The following PHACTR3 variants were observed in gnomAD, a reference collection of about 807,000 sequenced individuals.
PHACTR3 encodes the protein phosphatase and actin regulator 3.
In PHACTR3, 16 loss-of-function variants were observed where a neutral mutation model predicts 66.8. The ratio of observed to expected loss-of-function variants is 0.24; its 90% CI spans 0.16 to 0.36. The LOEUF (loss-of-function observed/expected upper bound fraction) is 0.36, where lower values mean the gene tolerates loss of function less well. Ranked by LOEUF, PHACTR3 falls within the 10% of genes least tolerant of loss-of-function variation. PHACTR3 has a pLI of 1.00. For synonymous variants in PHACTR3, 323 were observed against 292.1 expected, an observed-to-expected ratio of 1.11 and a Z score of -1.08; for missense variants, 647 against 719.9, an observed-to-expected ratio of 0.90 and a Z score of 1.16.
At chr20:59,739,554 G>C (rs991909279) in intron 1 of PHACTR3, among the ~76,000 whole-genome samples, 2 of 152,066 alleles carry the variant, frequency 1.3e-5, no homozygotes, top group African/African-American at 2.4e-5. Flanking sequence ...CAGGGCGAAG[G>C]GGGAGGAGCC....
chr20:59,704,702 T>A (rs1286080268), intron 1 of PHACTR3, among the ~76,000 whole-genome samples: 1 of 151,826 alleles, frequency 6.6e-6, no homozygotes, highest in East Asian at 1.9e-4. Context: ...GTTAACTGTT[T>A]TGATAACTAC....
intron 1 of PHACTR3, among the ~76,000 whole-genome samples, chr20:59,631,147 A>G (rs2034645934): frequency 6.6e-6 from 1 of 152,206 alleles, no homozygotes; most frequent in African/African-American, 2.4e-5. Context: ...GAATGCCCAG[A>G]GGCTAAAAGT....
At chr20:59,794,775 C>T (rs934792768) in intron 7 of PHACTR3, among the ~76,000 whole-genome samples, 4 of 151,984 alleles carry the variant, frequency 2.6e-5, no homozygotes, top group Admixed American at 6.6e-5. Flanking sequence ...GTAGGCTGTA[C>T]GTGTCCAGGA....
chr20:59,677,742 G>C (rs528834569), intron 1 of PHACTR3, among the ~76,000 whole-genome samples: 46 of 152,190 alleles, frequency 3.0e-4, no homozygotes, highest in Non-Finnish European at 6.3e-4. Flanking sequence ...GTGGAGTGTG[G>C]TTTGCGTGTT....
intron 11 of PHACTR3, among the ~76,000 whole-genome samples, chr20:59,841,741 G>A (rs1438275417): frequency 6.6e-6 from 1 of 152,114 alleles, no homozygotes; most frequent in African/African-American, 2.4e-5. Flanking sequence ...AGGGACATTT[G>A]GCAATGTCTA....
intron 7 of PHACTR3, among the ~76,000 whole-genome samples, chr20:59,782,730 C>G (rs1411278227): frequency 2.0e-5 from 3 of 152,156 alleles, no homozygotes; most frequent in African/African-American, 7.2e-5. Flanking sequence ...CCCCATGATT[C>G]AATTATCTCC....
chr20:59,590,409 A>G (rs1487201419), intron 1 of PHACTR3, among the ~76,000 whole-genome samples: 1 of 152,206 alleles, frequency 6.6e-6, no homozygotes, highest in Non-Finnish European at 1.5e-5. Flanking sequence ...CTATTTGGGC[A>G]GATGCAGCCA....
intron 1 of PHACTR3, among the ~76,000 whole-genome samples, chr20:59,639,947 C>T (rs979742766): frequency 9.2e-5 from 14 of 152,296 alleles, no homozygotes; most frequent in African/African-American, 1.2e-4. Flanking sequence ...GCCCCTAGGC[C>T]GACAGAGGCT....
Position 59,828,119 on chromosome 20 carries a change from C to G in PHACTR3, c.1329-8386C>G, listed in dbSNP as rs149641203. On this transcript the variant is annotated intron_variant, in intron 8 of 12. Coordinates refer to ENST00000371015, the MANE Select transcript of PHACTR3 (RefSeq NM_080672.5). ...GAGTCCGAAGCCTGTTTATGATGACCTGAGCCTCATCCCAAGTGCATTGTG... is the reference window on the plus strand; with the variant it reads ...GAGTCCGAAGCCTGTTTATGATGACGTGAGCCTCATCCCAAGTGCATTGTG... Among the ~76,000 whole-genome samples the G allele has an allele frequency of 3.5e-4, 53 of 152,342 alleles. No homozygotes were observed. The East Asian group carries it at 9.5e-3, about 27-fold the overall frequency.
chr20:59,653,287 C>T (rs566403558), intron 1 of PHACTR3, among the ~76,000 whole-genome samples: 2 of 151,758 alleles, frequency 1.3e-5, no homozygotes, highest in South Asian at 4.2e-4. Flanking sequence ...CGGGTTCAAG[C>T]GATTTTCCTG....
intron 8 of PHACTR3, among the ~76,000 whole-genome samples, chr20:59,826,902 T>C (rs2042208264): frequency 6.6e-6 from 1 of 152,220 alleles, no homozygotes; most frequent in African/African-American, 2.4e-5. Context: ...AGTGCCTCTC[T>C]ACAGGTAGAT....
At chr20:59,710,425 C>T (rs149962166) in intron 1 of PHACTR3, among the ~76,000 whole-genome samples, 247 of 152,184 alleles carry the variant, frequency 1.6e-3, no homozygotes, top group African/African-American at 5.7e-3. Context: ...TGGGAGGCAG[C>T]AATAAGGTCA....
chr20:59,791,879 G>T (rs1264885485), intron 7 of PHACTR3, among the ~76,000 whole-genome samples: 1 of 152,044 alleles, frequency 6.6e-6, no homozygotes, highest in East Asian at 1.9e-4. Context: ...AGGAGCCCCA[G>T]TGCTACTGGT....
At position 59,779,924 on chromosome 20, in the gene PHACTR3, C is replaced by T. The variant is rs969911991; in HGVS notation, c.1174+5434C>T. 7.8e-4 allele frequency among the ~76,000 whole-genome samples: 119 copies of T among 152,328 alleles called. 2 individuals are homozygous for T. The highest frequency in any genetic ancestry group is 2.8e-3 in the African/African-American group (118 of 41,586). On this transcript the variant is annotated intron_variant, in intron 7 of 12. Transcript: ENST00000371015. ...TTATGAGAAACAGTCTTTGTGTTGT[C>T]ACTGCCCCAAGATTTAAGTTTTAAA...
intron 1 of PHACTR3, among the ~76,000 whole-genome samples, chr20:59,716,981 G>T (rs1044385157): frequency 2.6e-5 from 4 of 152,080 alleles, no homozygotes; most frequent in Admixed American, 6.5e-5. Context: ...CTCTCTTAGT[G>T]TTAGTAAAAT....
chr20:59,806,585 A>G (rs958295520), intron 8 of PHACTR3, among the ~76,000 whole-genome samples: 1 of 152,158 alleles, frequency 6.6e-6, no homozygotes, highest in East Asian at 1.9e-4. Context: ...GTTCACCTCT[A>G]TCTGATCATT....
chr20:59,670,605 T>TTG (rs34824435), intron 1 of PHACTR3, among the ~76,000 whole-genome samples: 4,584 of 46,734 alleles, frequency 0.098, 271 homozygotes, highest in African/African-American at 0.13. Flanking sequence ...CTGCCGGGGG[T>TTG]GGGGGGGGGG....
At chr20:59,740,482 A>G (rs1810398514) in intron 1 of PHACTR3, among the ~76,000 whole-genome samples, 1 of 151,238 alleles carries the variant, frequency 6.6e-6, no homozygotes, top group South Asian at 2.1e-4. Flanking sequence ...ATTTTTTTGT[A>G]GAGGTGGAGT....
chr20:59,696,093 A>G (rs902960548), intron 1 of PHACTR3, among the ~76,000 whole-genome samples: 1 of 152,242 alleles, frequency 6.6e-6, no homozygotes, highest in African/African-American at 2.4e-5. Context: ...GTTCCATAAC[A>G]TCCACTGTAA....
Sources: gnomAD v4.1 joint callset for allele counts (sites outside exome capture counted in the v4.1 genomes callset) on GRCh38, gnomAD v4.1.1 for gene constraint, MANE v1.5 for transcripts, NCBI Gene and HGNC (gene_info 2026-07-23, HGNC 2026-07-21) for gene names.